PCDH17: variants seen among roughly 807,000 people sequenced by gnomAD.
The protein encoded by PCDH17 is protocadherin-17.
A neutral mutation model predicts 67.7 loss-of-function variants in PCDH17; 21 were observed. The ratio of observed to expected loss-of-function variants is 0.31; its 90% confidence interval spans 0.22 to 0.45. The LOEUF is 0.45. Ranked by LOEUF, PCDH17 falls within the 20% of genes least tolerant of loss-of-function variation. PCDH17 has a pLI of 1.00. For synonymous variants in PCDH17, 701 were observed against 656.7 expected (o/e 1.07, Z -1.03); for missense variants, 1,471 against 1,564.8 (o/e 0.94, Z 1.01).
chr13:57,677,604 G>T (rs1832660776), intron 3 of PCDH17, among the ~76,000 whole-genome samples: 1 of 151,784 alleles, frequency 6.6e-6, no homozygotes, highest in Admixed American at 6.6e-5. Flanking sequence ...AGGAAGGAGA[G>T]GGGTAGGAAG....
At chr13:57,665,367 T>A (rs1955238366) in intron 1 of PCDH17, among the ~76,000 whole-genome samples, 1 of 152,078 alleles carries the variant, frequency 6.6e-6, no homozygotes, top group Non-Finnish European at 1.5e-5. Context: ...CTTTATATTA[T>A]TATATGGGAA....
intron 3 of PCDH17, among the ~76,000 whole-genome samples, chr13:57,668,012 G>GTAAT (rs1300854075): frequency 2.0e-5 from 3 of 151,320 alleles, no homozygotes; most frequent in Non-Finnish European, 3.0e-5. Context: ...TTTCTAAGTA[G>GTAAT]TAATTGCTAG....
intron 1 of PCDH17, among the ~76,000 whole-genome samples, chr13:57,641,583 AAAAAAT>A (rs1201759770): frequency 3.3e-5 from 2 of 60,182 alleles, no homozygotes; most frequent in East Asian, 6.2e-4. Context: ...AAAAAAAAAA[AAAAAAT>A]ATATATATAT....
At chr13:57,694,100 A>C (rs1383237544) in intron 3 of PCDH17, among the ~76,000 whole-genome samples, 1 of 151,154 alleles carries the variant, frequency 6.6e-6, no homozygotes, top group Non-Finnish European at 1.5e-5. Flanking sequence ...AAATGAAATC[A>C]ATCCTACCTT....
intron 3 of PCDH17, among the ~76,000 whole-genome samples, chr13:57,693,745 CT>C (rs1315598263): frequency 6.6e-6 from 1 of 150,788 alleles, no homozygotes; most frequent in African/African-American, 2.4e-5. Flanking sequence ...TTATATAGGT[CT>C]TTTAAAGTTA....
At chr13:57,696,870 A>G (rs61961897) in intron 3 of PCDH17, among the ~76,000 whole-genome samples, 9,645 of 151,646 alleles carry the variant, frequency 0.064, 341 homozygotes, top group Middle Eastern at 0.099. Flanking sequence ...AAAGGAGTCA[A>G]ATATAAAGGT....
At chr13:57,680,233 T>C (rs1485799849) in intron 3 of PCDH17, among the ~76,000 whole-genome samples, 2 of 151,490 alleles carry the variant, frequency 1.3e-5, no homozygotes, top group Non-Finnish European at 3.0e-5. Context: ...TTACATGAGC[T>C]TGTAATACGA....
At chr13:57,667,912 A>G (rs909266882) in intron 3 of PCDH17, among the ~76,000 whole-genome samples, 7 of 148,516 alleles carry the variant, frequency 4.7e-5, no homozygotes, top group Non-Finnish European at 1.0e-4. Context: ...AACAAAATTA[A>G]TATATATTCA....
chr13:57,687,916 G>T (rs1434062592), intron 3 of PCDH17, among the ~76,000 whole-genome samples: 2 of 151,928 alleles, frequency 1.3e-5, no homozygotes, highest in East Asian at 1.9e-4. Context: ...CCTTCATCAG[G>T]TTCAAACATT....
At chr13:57,647,581 CAG>C (rs1367382180) in intron 1 of PCDH17, among the ~76,000 whole-genome samples, 1 of 151,688 alleles carries the variant, frequency 6.6e-6, no homozygotes, top group Non-Finnish European at 1.5e-5. Context: ...TGCATATACA[CAG>C]GGGTGGATTG....
intron 3 of PCDH17, among the ~76,000 whole-genome samples, chr13:57,706,155 C>T (rs1278109544): frequency 6.6e-6 from 1 of 151,900 alleles, no homozygotes. Flanking sequence ...AATTTGTAGA[C>T]ATTTTAAGAA....
intron 3 of PCDH17, among the ~76,000 whole-genome samples, chr13:57,674,093 AT>A (rs1955357997): frequency 6.6e-6 from 1 of 151,980 alleles, no homozygotes; most frequent in African/African-American, 2.4e-5. Context: ...TTTGTTGCAC[AT>A]TGTAAAGCCT....
At chr13:57,659,779 A>T (rs1019646662) in intron 1 of PCDH17, among the ~76,000 whole-genome samples, 1 of 152,200 alleles carries the variant, frequency 6.6e-6, no homozygotes, top group Non-Finnish European at 1.5e-5. Flanking sequence ...GTTTCTGAAG[A>T]CAGAGCCCAG....
At chr13:57,720,151 G>A (rs1955860657) in intron 3 of PCDH17, among the ~76,000 whole-genome samples, 1 of 151,954 alleles carries the variant, frequency 6.6e-6, no homozygotes, top group African/African-American at 2.4e-5. Flanking sequence ...GTCACAAAAT[G>A]ATTGCTTGCC....
chr13:57,719,707 A>T (rs774690652), intron 3 of PCDH17, among the ~76,000 whole-genome samples: 1 of 152,012 alleles, frequency 6.6e-6, no homozygotes, highest in African/African-American at 2.4e-5. Flanking sequence ...GCAAAACAGA[A>T]TAGAATAAAG....
intron 3 of PCDH17, among the ~76,000 whole-genome samples, chr13:57,707,333 C>CAGTGTG: frequency 1.1e-5 from 1 of 89,412 alleles, no homozygotes. Flanking sequence ...TGATATATGA[C>CAGTGTG]CGTGTGTGTG....
intron 3 of PCDH17, among the ~76,000 whole-genome samples, chr13:57,716,113 T>C (rs1423874137): frequency 6.6e-6 from 1 of 151,960 alleles, no homozygotes; most frequent in Non-Finnish European, 1.5e-5. Context: ...AGCCAAAAAC[T>C]CTAGATATCC....
At chr13:57,687,136 A>G (rs1210261830) in intron 3 of PCDH17, among the ~76,000 whole-genome samples, 1 of 152,114 alleles carries the variant, frequency 6.6e-6, no homozygotes, top group African/African-American at 2.4e-5. Flanking sequence ...CGTTGATAAA[A>G]TGCAATTTTA....
chr13:57,689,090 C>G (rs968005329), intron 3 of PCDH17, among the ~76,000 whole-genome samples: 1 of 151,972 alleles, frequency 6.6e-6, no homozygotes, highest in Non-Finnish European at 1.5e-5. Context: ...CTTGCTGTTG[C>G]TGATGATAAA....
Sources: allele counts gnomAD v4.1 joint callset (sites outside exome capture counted in the v4.1 genomes callset), GRCh38; gene constraint gnomAD v4.1.1; transcripts MANE v1.5; gene names NCBI Gene and HGNC (gene_info 2026-07-23, HGNC 2026-07-21).